The following LRRC20 variants were observed in gnomAD, a reference collection of about 807,000 sequenced individuals.
The protein encoded by LRRC20 is leucine rich repeat containing 20.
A neutral mutation model predicts 14.4 loss-of-function variants in LRRC20; 11 were observed. The ratio of observed to expected loss-of-function variants is 0.77; its 90% CI spans 0.48 to 1.27. The LOEUF (loss-of-function observed/expected upper bound fraction) is 1.27. Among genes scored for constraint, LRRC20 ranks in the 50% most tolerant of loss-of-function variants. The pLI, the probability that LRRC20 is intolerant of heterozygous loss-of-function variation, is 0.00. For synonymous variants in LRRC20, 121 were observed against 107.3 expected, an observed-to-expected ratio of 1.13 and a Z score of -0.79; for missense variants, 219 against 251.2, an observed-to-expected ratio of 0.87 and a Z score of 0.87.
intron 3 of LRRC20, 29 bp from the exon 4 acceptor site, chr10:70,324,059 A>G: frequency 6.2e-7 from 1 of 1,609,258 alleles, no homozygotes; most frequent in South Asian, 1.1e-5. Flanking sequence ...GAGAGAGAAC[A>G]GGATGAGGAG....
intron 2 of LRRC20, among the ~76,000 whole-genome samples, chr10:70,352,747 TC>T (rs1422915581): frequency 6.6e-6 from 1 of 152,142 alleles, no homozygotes; most frequent in Non-Finnish European, 1.5e-5. Context: ...AACCTAACAC[TC>T]CCCTTTAAAA....
At chr10:70,353,344 G>A (rs370026651) in intron 2 of LRRC20, among the ~76,000 whole-genome samples, 1 of 37,870 alleles carries the variant, frequency 2.6e-5, no homozygotes, top group African/African-American at 5.5e-5. Context: ...TGCAATTAGT[G>A]ATCTCAGCTT....
chr10:70,374,460 C>T (rs1006330503), intron 2 of LRRC20, among the ~76,000 whole-genome samples: 2 of 151,930 alleles, frequency 1.3e-5, no homozygotes, highest in African/African-American at 2.4e-5. Flanking sequence ...AGGCGATTCT[C>T]CTGCCTCAGC....
chr10:70,369,561 G>A (rs72809238), intron 2 of LRRC20, among the ~76,000 whole-genome samples: 12,536 of 147,484 alleles, frequency 0.085, 571 homozygotes, highest in Middle Eastern at 0.18. Context: ...CCGAGATGGT[G>A]TCACTGCACT....
At chr10:70,325,209 G>A (rs1842273745) in intron 3 of LRRC20, among the ~76,000 whole-genome samples, 1 of 152,200 alleles carries the variant, frequency 6.6e-6, no homozygotes, top group Non-Finnish European at 1.5e-5. Flanking sequence ...GATCAGAAGG[G>A]CCCCGCACTT....
intron 1 of LRRC20, among the ~76,000 whole-genome samples, chr10:70,377,061 A>G (rs1844538390): frequency 6.6e-6 from 1 of 152,032 alleles, no homozygotes; most frequent in Non-Finnish European, 1.5e-5. Context: ...TCCCCTGTTC[A>G]CCCCACCCAT....
At chr10:70,345,779 T>G (rs1843054018) in intron 2 of LRRC20, among the ~76,000 whole-genome samples, 1 of 152,214 alleles carries the variant, frequency 6.6e-6, no homozygotes, top group Non-Finnish European at 1.5e-5. Flanking sequence ...CTTGCTAAGT[T>G]GATCAAGGGA....
rs1448294585 is a variant in LRRC20 at position 70,341,489 on chromosome 10, C to T, written c.83-787G>A. 2.0e-5 allele frequency among the ~76,000 whole-genome samples: 3 copies of T among 152,322 alleles called. 1 individual carries two copies. Among genetic ancestry groups the T allele is most frequent in the African/African-American group, 7.2e-5 (3 of 41,572 alleles). On this transcript the variant is annotated intron_variant, in intron 2 of 4. Coordinates refer to ENST00000446961, the MANE Select transcript of LRRC20 (RefSeq NM_001278212.2). Reference sequence around the variant, plus strand: ...CAGCAACAAAAAGAAATGAAGTGGCCAGGCGTGGTGGCTCACGCCTGTAAT... The same window carrying T: ...CAGCAACAAAAAGAAATGAAGTGGCTAGGCGTGGTGGCTCACGCCTGTAAT...
At chr10:70,358,956 G>C (rs1185741089) in intron 2 of LRRC20, among the ~76,000 whole-genome samples, 2 of 152,186 alleles carry the variant, frequency 1.3e-5, no homozygotes. Context: ...CTTGGTCTCA[G>C]CATCCCACTT....
At chr10:70,344,889 G>A (rs1843023689) in intron 2 of LRRC20, among the ~76,000 whole-genome samples, 1 of 152,136 alleles carries the variant, frequency 6.6e-6, no homozygotes, top group African/African-American at 2.4e-5. Flanking sequence ...TTTAAAAATA[G>A]TTTTGTATGT....
rs187783992 is a variant in LRRC20, at chr10:70,349,725, C to T, written c.83-9023G>A. 2.1e-3 allele frequency among the ~76,000 whole-genome samples: 314 copies of T among 152,214 alleles called. 11 individuals are homozygous for T. In the South Asian group the frequency reaches 0.054, roughly 26 times the overall value. On this transcript the variant is annotated intron_variant, in intron 2 of 4. Coordinates refer to ENST00000446961, the MANE Select transcript of LRRC20 (RefSeq NM_001278212.2). ...ACCCTCACAGCAGGAGAATGAGGCA[C>T]ATGTTGATAGGTAAATTGTCCATGG...
intron 2 of LRRC20, among the ~76,000 whole-genome samples, chr10:70,366,039 C>T (rs1383505649): frequency 2.0e-5 from 3 of 148,396 alleles, no homozygotes; most frequent in Non-Finnish European, 4.5e-5. Context: ...CACTGCACTC[C>T]AGCCTGGGTG....
intron 4 of LRRC20, among the ~76,000 whole-genome samples, chr10:70,304,075 G>A (rs1841312649): frequency 6.6e-6 from 1 of 151,924 alleles, no homozygotes; most frequent in African/African-American, 2.4e-5. Flanking sequence ...ACTAACACTT[G>A]GTAACCTGTT....
intron 2 of LRRC20, among the ~76,000 whole-genome samples, chr10:70,350,069 T>C (rs1222378782): frequency 6.6e-6 from 1 of 152,244 alleles, no homozygotes; most frequent in Non-Finnish European, 1.5e-5. Context: ...TCTCAGAGCC[T>C]CGCCCATGCT....
chr10:70,363,063 G>C (rs1843809643), intron 2 of LRRC20, among the ~76,000 whole-genome samples: 1 of 151,608 alleles, frequency 6.6e-6, no homozygotes, highest in South Asian at 2.1e-4. Flanking sequence ...TTGAGCCCAG[G>C]AGTTCGAGAC....
intron 1 of LRRC20, 149 bp from the exon 2 acceptor site, chr10:70,376,745 G>T: frequency 1.7e-6 from 1 of 577,142 alleles, no homozygotes; most frequent in Non-Finnish European, 3.1e-6. Context: ...TTGCAGGGCC[G>T]AGAGCTCAGG....
Position 70,380,917 on chromosome 10 carries a change from G to C in LRRC20, c.-64+1632C>G, listed in dbSNP as rs77297187. Among the ~76,000 whole-genome samples the C allele has an allele frequency of 2.9e-3, 438 of 152,332 alleles. 6 individuals are homozygous for C. In the South Asian group the frequency reaches 0.046, roughly 16 times the overall value. On this transcript the variant is annotated intron_variant, in intron 1 of 4. Transcript: ENST00000446961. ...GAGCCTGATAGTAGTAAGGCTACAG[G>C]GCCAGGCCTAGGGGGGCATGAAGGC...
chr10:70,331,130 C>T (rs1385539515), intron 3 of LRRC20, among the ~76,000 whole-genome samples: 1 of 152,194 alleles, frequency 6.6e-6, no homozygotes, highest in Non-Finnish European at 1.5e-5. Context: ...ATGACTGGAC[C>T]ATCATCCTGA....
At chr10:70,350,193 G>T (rs1170776612) in intron 2 of LRRC20, among the ~76,000 whole-genome samples, 2 of 152,194 alleles carry the variant, frequency 1.3e-5, no homozygotes, top group African/African-American at 4.8e-5. Flanking sequence ...GCAATGCCAG[G>T]CTCCTCCAGC....
Sources: allele counts gnomAD v4.1 joint callset (sites outside exome capture counted in the v4.1 genomes callset), GRCh38; gene constraint gnomAD v4.1.1; transcripts MANE v1.5; gene names NCBI Gene and HGNC (gene_info 2026-07-23, HGNC 2026-07-21).